MROH1: variants seen among roughly 807,000 people sequenced by gnomAD.
MROH1 encodes the protein maestro heat like repeat family member 1, also known as maestro heat-like repeat-containing protein family member 1.
MROH1 carries 117 observed loss-of-function variants against 116.5 expected under a neutral mutation model. The ratio of observed to expected loss-of-function variants is 1.00; its 90% CI spans 0.86 to 1.17. The LOEUF (loss-of-function observed/expected upper bound fraction) is 1.17. MROH1 is among the 50% of genes most tolerant of loss of function. MROH1 has a pLI of 0.00. For synonymous variants in MROH1, 921 were observed against 583.9 expected (o/e 1.58, Z -8.32); for missense variants, 1,873 against 1,338.5 (o/e 1.40, Z -6.23).
intron 4 of MROH1, among the ~76,000 whole-genome samples, chr8:144,169,249 T>C (rs1237446445): frequency 2.6e-5 from 4 of 152,170 alleles, no homozygotes; most frequent in African/African-American, 9.7e-5. Flanking sequence ...ATTTAACATT[T>C]TGGTATGTAA....
At chr8:144,172,845 G>A (rs1316101521) in intron 4 of MROH1, among the ~76,000 whole-genome samples, 1 of 152,126 alleles carries the variant, frequency 6.6e-6, no homozygotes, top group African/African-American at 2.4e-5. Context: ...GTCTTTGCCT[G>A]TAATTCTGTC....
chr8:144,212,897 C>T (rs1834456052), intron 12 of MROH1: 2 of 674,080 alleles, frequency 3.0e-6, no homozygotes, highest in Admixed American at 3.9e-5. Context: ...AACCTCTTTT[C>T]TGTTACGTCT....
chr8:144,195,443 A>G (rs981733976), intron 10 of MROH1, among the ~76,000 whole-genome samples: 5 of 137,138 alleles, frequency 3.6e-5, no homozygotes, highest in Non-Finnish European at 6.2e-5. Flanking sequence ...GAGAGCTTGC[A>G]GTGAGCTGAG....
rs1312962297 is a variant in MROH1 at position 144,239,341 on chromosome 8, A to G, written c.1610A>G (p.Tyr537Cys). The change falls in exon 17 of 44, where the codon TAT becomes TGT. Residue 537 changes from tyrosine (Y) to cysteine (C), a missense_variant. Transcript: ENST00000326134. The stretch of plus-strand genomic sequence containing the variant: ...TCTCCAGCGAGCCTCCCGTCTCCCT[A>G]TGCTGTAACCGGAAGACTGTTGGTG... ...YDAHASLPSP[Y>C]AVTGRLLVVS... 1.9e-5 allele frequency: 15 copies of G among 780,052 alleles called. No homozygotes were observed. Among genetic ancestry groups the G allele is most frequent in the South Asian group, 8.0e-5 (6 of 74,606 alleles). The allele number at this position is 780,052 out of a possible 1,614,324, so 48.3% of individuals were successfully genotyped here.
At chr8:144,148,430 C>T (rs1815935048) in intron 1 of MROH1, among the ~76,000 whole-genome samples, 1 of 152,058 alleles carries the variant, frequency 6.6e-6, no homozygotes, top group East Asian at 1.9e-4. Flanking sequence ...GCCCGCCCCT[C>T]CTGTGAGCCC....
At chr8:144,249,390 G>C (rs1203446188) in intron 32 of MROH1, among the ~76,000 whole-genome samples, 6 of 152,298 alleles carry the variant, frequency 3.9e-5, no homozygotes, top group African/African-American at 1.4e-4. Context: ...GTCCCCTAGG[G>C]AGAGGCAAGC....
chr8:144,157,543 G>A (rs1818449987), intron 1 of MROH1, among the ~76,000 whole-genome samples: 1 of 145,428 alleles, frequency 6.9e-6, no homozygotes, highest in Non-Finnish European at 1.5e-5. Context: ...GGTTTTATGG[G>A]AAGGTTTTTT....
intron 14 of MROH1, among the ~76,000 whole-genome samples, chr8:144,226,445 A>G (rs1837837323): frequency 6.6e-6 from 1 of 150,500 alleles, no homozygotes; most frequent in Admixed American, 6.6e-5. Flanking sequence ...CTGTCTTTCC[A>G]TGGCTTTACG....
intron 13 of MROH1, among the ~76,000 whole-genome samples, chr8:144,221,960 C>T (rs560103497): frequency 4.5e-4 from 68 of 152,258 alleles, no homozygotes; most frequent in East Asian, 9.7e-4. Flanking sequence ...GGGCTGGTTG[C>T]GCCACATTGG....
At chr8:144,156,273 G>C (rs1197420636) in intron 1 of MROH1, among the ~76,000 whole-genome samples, 3 of 150,650 alleles carry the variant, frequency 2.0e-5, no homozygotes, top group African/African-American at 7.3e-5. Context: ...AAGTTGAGCA[G>C]GTTTCCTTCT....
chr8:144,251,913 A>AG (rs1842898399), intron 33 of MROH1: 1 of 192,108 alleles, frequency 5.2e-6, no homozygotes, highest in Non-Finnish European at 1.1e-5. Context: ...TCTGCTTAGC[A>AG]CAGCAGTGCT....
At chr8:144,158,208 G>A (rs1439790879) in intron 1 of MROH1, among the ~76,000 whole-genome samples, 1 of 151,682 alleles carries the variant, frequency 6.6e-6, no homozygotes, top group Admixed American at 6.6e-5. Context: ...GGCCGGGCTG[G>A]TCTCGAACTC....
Position 144,259,328 on chromosome 8 carries a change from G to T in MROH1, c.4018G>T (p.Val1340Leu). The T allele has an allele frequency of 1.4e-6, 1 of 715,194 alleles. No homozygotes were observed. The highest frequency in any genetic ancestry group is 1.5e-5 in the South Asian group (1 of 67,502). 44.3% of individuals were successfully genotyped at this position (715,194 alleles called of 1,614,324 possible). The stretch of plus-strand genomic sequence containing the variant: ...CAGCAGTGCGTATGAGAACCAGAGG[G>T]TGACCACCACCGCCTTCCTGGCCGA... ...THSSAYENQR[V>L]TTTAFLAELL... Residue 1340 changes from valine (V) to leucine (L), a missense_variant, in exon 37 of 44, where the codon GTG (valine) becomes TTG (leucine). By Grantham distance (32) the Val-to-Leu change is conservative (BLOSUM62 1). Transcript: ENST00000326134.
rs1201167849 is a variant in MROH1 at position 144,165,746 on chromosome 8, A to ATT, written c.22+1914_22+1915dup. On this transcript the variant is annotated intron_variant, in intron 3 of 43. Coordinates refer to ENST00000326134, the MANE Select transcript of MROH1 (RefSeq NM_032450.3). ...CATGCCACTACGCCGTAATTTTTGT[A>ATT]TTTTTTTTTTTTTTTTTGTAGAGAC... 4.9e-3 allele frequency among the ~76,000 whole-genome samples: 526 copies of ATT among 108,276 alleles called. 2 individuals carry two copies. The highest frequency in any genetic ancestry group is 0.017 in the African/African-American group (490 of 29,238). The allele number at this position is 108,276 out of a possible 152,430, so 71.0% of individuals were successfully genotyped here.
At chr8:144,167,192 G>T (rs1375898112) in intron 3 of MROH1, among the ~76,000 whole-genome samples, 2 of 141,764 alleles carry the variant, frequency 1.4e-5, no homozygotes, top group African/African-American at 2.6e-5. Context: ...CCGGTTGTTG[G>T]GGTGGAGTGG....
chr8:144,168,582 G>T, intron 4 of MROH1, 142 bp downstream of exon 4: 1 of 971,046 alleles, frequency 1.0e-6, no homozygotes, highest in Non-Finnish European at 1.5e-6. Flanking sequence ...CCCTCCACAC[G>T]TGCCTATGTC....
At chr8:144,255,282 G>A (rs1270691364) in intron 34 of MROH1, among the ~76,000 whole-genome samples, 13 of 152,366 alleles carry the variant, frequency 8.5e-5, no homozygotes, top group African/African-American at 3.1e-4. Flanking sequence ...CAGATGGCCT[G>A]AGGTCTGTCC....
chr8:144,208,678 T>C (rs964607580), intron 12 of MROH1, among the ~76,000 whole-genome samples: 1 of 152,122 alleles, frequency 6.6e-6, no homozygotes, highest in Non-Finnish European at 1.5e-5. Context: ...TTAGTGGGTA[T>C]ATTTCAGGAC....
At chr8:144,250,089 C>T in intron 32 of MROH1, 123 bp from the exon 33 acceptor site, 1 of 682,996 alleles carries the variant, frequency 1.5e-6, no homozygotes, top group East Asian at 2.7e-5. Context: ...AGGCTGGAAC[C>T]AGCAGTATGG....
Sources: gnomAD v4.1 joint callset for allele counts (sites outside exome capture counted in the v4.1 genomes callset) on GRCh38, gnomAD v4.1.1 for gene constraint, MANE v1.5 for transcripts, NCBI Gene and HGNC (gene_info 2026-07-23, HGNC 2026-07-21) for gene names.